Variants in TACC2 observed in about 807,000 individuals in gnomAD.
The protein encoded by TACC2 is transforming acidic coiled-coil containing protein 2, also known as transforming acidic coiled-coil-containing protein 2.
A neutral mutation model predicts 227.3 loss-of-function variants in TACC2; 137 were observed. That is an observed-to-expected ratio of 0.60 (90% CI 0.52 to 0.69). The LOEUF is 0.69. Ranked by LOEUF, TACC2 falls within the 30% of genes least tolerant of loss-of-function variation. The probability of loss-of-function intolerance (pLI) is 0.00; values close to 1 mark genes in which losing one functional copy is unlikely to be tolerated. For synonymous variants in TACC2, 1,523 were observed against 1,487.5 expected, an observed-to-expected ratio of 1.02 and a Z score of -0.55; for missense variants, 3,470 against 3,694.4, an observed-to-expected ratio of 0.94 and a Z score of 1.57.
intron 7 of TACC2, among the ~76,000 whole-genome samples, chr10:122,157,415 T>C (rs2092559596): frequency 6.6e-6 from 1 of 152,184 alleles, no homozygotes; most frequent in African/African-American, 2.4e-5. Flanking sequence ...GGGAGGATAT[T>C]GTTGAAGGCA....
At chr10:122,231,463 G>C (rs1376756067) in intron 16 of TACC2, among the ~76,000 whole-genome samples, 1 of 152,250 alleles carries the variant, frequency 6.6e-6, no homozygotes, top group Non-Finnish European at 1.5e-5. Flanking sequence ...CAGATGTCTG[G>C]TGTGCGGAGA....
At chr10:122,025,870 C>T (rs1957933608) in intron 2 of TACC2, among the ~76,000 whole-genome samples, 1 of 151,494 alleles carries the variant, frequency 6.6e-6, no homozygotes, top group South Asian at 2.1e-4. Context: ...CACTGCACCC[C>T]GGCCTATTAT....
chr10:122,237,833 A>G (rs779399209), intron 17 of TACC2, 128 bp from the exon 18 acceptor site: 3 of 759,912 alleles, frequency 3.9e-6, no homozygotes, highest in Non-Finnish European at 6.4e-6. Flanking sequence ...TCTGAATGTA[A>G]TTATGGTTTG....
At chr10:122,118,057 G>C (rs1368692261) in intron 5 of TACC2, among the ~76,000 whole-genome samples, 2 of 145,054 alleles carry the variant, frequency 1.4e-5, no homozygotes, top group South Asian at 2.2e-4. Context: ...TCTGTTGTCC[G>C]GGCTGGAGTG....
intron 2 of TACC2, among the ~76,000 whole-genome samples, chr10:122,028,713 CCCTT>C (rs1315285466): frequency 4.0e-5 from 6 of 150,304 alleles, no homozygotes; most frequent in African/African-American, 7.3e-5. Context: ...ATCCTGTATA[CCCTT>C]CCTTCCTTCC....
chr10:121,998,465 G>A (rs1190711856), intron 1 of TACC2, among the ~76,000 whole-genome samples: 1 of 152,124 alleles, frequency 6.6e-6, no homozygotes, highest in African/African-American at 2.4e-5. Flanking sequence ...TATCATCCTA[G>A]TCTGCAGAGG....
chr10:122,227,791 T>C, intron 13 of TACC2, 46 bp from the exon 14 acceptor site: 1 of 1,563,192 alleles, frequency 6.4e-7, no homozygotes, highest in Admixed American at 1.8e-5. Flanking sequence ...TTTCAGTGGG[T>C]TTCCCAATGA....
chr10:122,244,416 A>G (rs1318223501), intron 19 of TACC2, among the ~76,000 whole-genome samples: 1 of 151,976 alleles, frequency 6.6e-6, no homozygotes, highest in Non-Finnish European at 1.5e-5. Context: ...GGCTTTTTTC[A>G]TCAGGTGACA....
chr10:122,087,779 G>A lies in TACC2; in HGVS notation c.5279G>A (p.Gly1760Asp), dbSNP rs2080246831. The A allele has an allele frequency of 2.5e-6, 4 of 1,601,320 alleles. No homozygotes were observed. Among genetic ancestry groups the A allele is most frequent in the Non-Finnish European group, 3.4e-6 (4 of 1,173,286 alleles). Residue 1760 changes from glycine to aspartate, a missense_variant, in exon 4 of 23, where the codon GGT becomes GAT. Coordinates refer to ENST00000369005, the MANE Select transcript of TACC2 (RefSeq NM_206862.4). Reference sequence around the variant, plus strand: ...TCTGACAAGGCTCCGGGGATGGAGGGTACAGCTGCCCTTCATGGGGACAGC... The same window carrying A: ...TCTGACAAGGCTCCGGGGATGGAGGATACAGCTGCCCTTCATGGGGACAGC... Reference protein sequence around the residue: ...ACSDKAPGMEGTAALHGDSPA... With the variant: ...ACSDKAPGMEDTAALHGDSPA...
At chr10:121,998,489 G>T (rs1953854567) in intron 1 of TACC2, among the ~76,000 whole-genome samples, 1 of 152,080 alleles carries the variant, frequency 6.6e-6, no homozygotes, top group Admixed American at 6.6e-5. Flanking sequence ...ATTTGTTCCT[G>T]TTATTCTATC....
At chr10:122,102,239 G>A (rs1385002399) in intron 5 of TACC2, among the ~76,000 whole-genome samples, 5 of 152,276 alleles carry the variant, frequency 3.3e-5, no homozygotes, top group East Asian at 1.9e-4. Flanking sequence ...CAGAGCTTCC[G>A]GTTTAATGGA....
chr10:122,145,555 G>A (rs2091264044), intron 7 of TACC2, among the ~76,000 whole-genome samples: 1 of 152,136 alleles, frequency 6.6e-6, no homozygotes, highest in Non-Finnish European at 1.5e-5. Context: ...TCTTTGTGGG[G>A]GGTGATGGAA....
Position 122,237,963 on chromosome 10 carries a change from C to A in TACC2, c.8274C>A (p.Ile2758=). 1 of 1,613,074 alleles carries A rather than the reference C, an allele frequency of 6.2e-7. No individual in the cohort carries two copies. The highest frequency in any genetic ancestry group is 8.5e-7 in the Non-Finnish European group (1 of 1,179,230). Reference sequence around the variant, plus strand: ...TCTCTTCTTCTCTCTGAAACTAGATCATAACCAAGGAGAGAGAGGTCTCAG... The same window carrying A: ...TCTCTTCTTCTCTCTGAAACTAGATAATAACCAAGGAGAGAGAGGTCTCAG... The part of the protein sequence containing the change: ...DSALQIARAE[I]ITKEREVSEW... Residue 2758 remains isoleucine, a splice_region_variant and synonymous_variant, in exon 18 of 23, where the codon ATC becomes ATA. Transcript: ENST00000369005.
At chr10:122,092,302 T>C (rs1031244871) in intron 5 of TACC2, among the ~76,000 whole-genome samples, 2 of 152,352 alleles carry the variant, frequency 1.3e-5, no homozygotes, top group Non-Finnish European at 2.9e-5. Flanking sequence ...AATTTTGAGA[T>C]TGTGTTTCAC....
intron 19 of TACC2, among the ~76,000 whole-genome samples, chr10:122,245,888 A>G (rs2096104550): frequency 6.6e-6 from 1 of 152,162 alleles, no homozygotes; most frequent in African/African-American, 2.4e-5. Flanking sequence ...ACCCTGCTCA[A>G]GGTCACTCGT....
At chr10:122,238,100 C>T in intron 18 of TACC2, 63 bp downstream of exon 18, 2 of 1,347,336 alleles carry the variant, frequency 1.5e-6, no homozygotes, top group African/African-American at 1.4e-5. Flanking sequence ...TTAATAATGA[C>T]CGGAGCTGGT....
At chr10:122,192,787 T>C (rs975006385) in intron 7 of TACC2, 5 of 456,436 alleles carry the variant, frequency 1.1e-5, no homozygotes, top group Admixed American at 7.0e-5. Context: ...TCAGGGAGAC[T>C]CTGGAAAAAG....
intron 8 of TACC2, among the ~76,000 whole-genome samples, chr10:122,201,163 C>A (rs72631111): frequency 1.6e-5 from 2 of 125,874 alleles, no homozygotes; most frequent in South Asian, 2.7e-4. Context: ...AGTCAGAGGA[C>A]GGCCACCTCA....
At chr10:122,181,440 G>A (rs2093968016) in intron 7 of TACC2, among the ~76,000 whole-genome samples, 1 of 152,208 alleles carries the variant, frequency 6.6e-6, no homozygotes, top group African/African-American at 2.4e-5. Context: ...ACTGGAGCCA[G>A]TAAATACCTT....
Sources: gnomAD v4.1 joint callset for allele counts (sites outside exome capture counted in the v4.1 genomes callset) on GRCh38, gnomAD v4.1.1 for gene constraint, MANE v1.5 for transcripts, NCBI Gene and HGNC (gene_info 2026-07-23, HGNC 2026-07-21) for gene names.